Variants in CD4 observed in about 807,000 individuals in gnomAD.
The protein encoded by CD4 is CD4 molecule.
A neutral mutation model predicts 50.5 loss-of-function variants in CD4; 25 were observed. The ratio of observed to expected loss-of-function variants is 0.49; its 90% CI spans 0.36 to 0.69. The LOEUF (loss-of-function observed/expected upper bound fraction) is 0.69, where lower values mean the gene tolerates loss of function less well. CD4 is among the 30% of genes least tolerant of loss of function. The probability of loss-of-function intolerance (pLI) is 0.00; values close to 1 mark genes in which losing one functional copy is unlikely to be tolerated. For synonymous variants in CD4, 207 were observed against 221.9 expected, an observed-to-expected ratio of 0.93 and a Z score of 0.60; for missense variants, 456 against 548.5, an observed-to-expected ratio of 0.83 and a Z score of 1.68.
rs1165133953 is a variant in CD4, at chr12:6,792,532, A to G, written c.-68+2870A>G. On this transcript the variant is annotated intron_variant, in intron 1 of 9. Transcript: ENST00000011653. The surrounding 1 kb of genome is among the most constrained non-coding windows in gnomAD (Gnocchi z 4.1). The stretch of plus-strand genomic sequence containing the variant: ...AAGCTGCTCCAGGTCTCTCTCTCCC[A>G]CATCTTTCCCTCCCCTCCTCCCTTG... 2.0e-5 allele frequency among the ~76,000 whole-genome samples: 3 copies of G among 151,790 alleles called. No homozygotes were observed. The highest frequency in any genetic ancestry group is 7.3e-5 in the African/African-American group (3 of 41,290).
intron 5 of CD4, chr12:6,815,204 A>G: frequency 1.8e-6 from 1 of 542,502 alleles, no homozygotes; most frequent in Non-Finnish European, 3.3e-6. Context: ...TGTGGTGGAC[A>G]TGGAGAAAGG....
chr12:6,790,442 A>G (rs998234926), intron 1 of CD4, among the ~76,000 whole-genome samples: 15 of 152,266 alleles, frequency 9.9e-5, no homozygotes, highest in African/African-American at 3.6e-4. Flanking sequence ...AAATTCTCAG[A>G]AAGTGTTGAA....
At chr12:6,793,690 ATCT>A (rs1942252793) in intron 1 of CD4, among the ~76,000 whole-genome samples, 4 of 83,178 alleles carry the variant, frequency 4.8e-5, no homozygotes, top group Non-Finnish European at 6.9e-5. Flanking sequence ...CTATCTATCT[ATCT>A]ATCTATCTAT....
At chr12:6,800,016 C>A in intron 1 of CD4, 56 bp from the exon 2 acceptor site, 1 of 862,430 alleles carries the variant, frequency 1.2e-6, no homozygotes, top group South Asian at 1.4e-5. Flanking sequence ...TGTATCGCCC[C>A]TGTATACTCC....
In CD4 at chr12:6,802,421, A is replaced by G. The variant is rs1194474068; in HGVS notation, c.214+1950A>G. 3.4e-5 allele frequency among the ~76,000 whole-genome samples: 5 copies of G among 149,082 alleles called. No homozygotes were observed. In the Admixed American group the frequency reaches 3.4e-4, roughly 10 times the overall value. On this transcript the variant is annotated intron_variant, in intron 3 of 9. Transcript: ENST00000011653. ...CATCACAGCCTCAAGTGATCTTCCC[A>G]CTTCAGCCTTCCCAGTAGCTGGGAC... is the stretch of plus-strand genomic sequence containing the variant.
At chr12:6,800,250 T>C (rs782427182) in intron 2 of CD4, 57 bp from the exon 3 acceptor site, 124 of 1,611,558 alleles carry the variant, frequency 7.7e-5, no homozygotes, top group Admixed American at 1.3e-4. Context: ...AGGTGGAGGA[T>C]GGGGTAGAGG....
chr12:6,818,648 C>T lies in CD4; in HGVS notation c.1278+106C>T. On this transcript the variant is annotated intron_variant, in intron 8 of 9. Transcript: ENST00000011653. The surrounding 1 kb of genome is among the most constrained non-coding windows in gnomAD (Gnocchi z 5.0). ...ATTTTGGCCCAGCTCCCTCTGCCCACTCGTAAGTTCCCTTGCTGCCCTGTC... is the reference window on the plus strand; with the variant it reads ...ATTTTGGCCCAGCTCCCTCTGCCCATTCGTAAGTTCCCTTGCTGCCCTGTC... 3.5e-6 allele frequency: 5 copies of T among 1,412,194 alleles called. No homozygotes were observed. The highest frequency in any genetic ancestry group is 4.9e-6 in the Non-Finnish European group (5 of 1,012,786). The allele number at this position is 1,412,194 out of a possible 1,614,324, so 87.5% of individuals were successfully genotyped here.
intron 9 of CD4, 150 bp from the exon 10 acceptor site, chr12:6,819,149 G>A: frequency 3.6e-6 from 3 of 831,054 alleles, no homozygotes; most frequent in South Asian, 1.5e-5. Context: ...GCAGAAGTGG[G>A]AGGATGGAGC....
chr12:6,790,538 G>A (rs1942125317), intron 1 of CD4, among the ~76,000 whole-genome samples: 1 of 152,226 alleles, frequency 6.6e-6, no homozygotes, highest in South Asian at 2.1e-4. Flanking sequence ...GATTCGAAAA[G>A]AATTGGTGGT....
chr12:6,817,356 T>C (rs782391302), intron 7 of CD4, 26 bp downstream of exon 7: 17 of 1,543,814 alleles, frequency 1.1e-5, no homozygotes, highest in African/African-American at 1.4e-5. Flanking sequence ...CCAAGGCCTC[T>C]GCCTCCTGGG....
chr12:6,794,778 T>TTTTTTTTTTTC (rs1942315159), intron 1 of CD4, among the ~76,000 whole-genome samples: 1 of 132,472 alleles, frequency 7.5e-6, no homozygotes, highest in African/African-American at 2.9e-5. Flanking sequence ...TATGTCTGTT[T>TTTTTTTTTTTC]TTTTTTTGTT....
chr12:6,816,429 G>A lies in CD4; in HGVS notation c.955+26G>A. 4 of 1,567,014 alleles carry A rather than the reference G, an allele frequency of 2.6e-6. No individual in the cohort carries two copies. The highest frequency in any genetic ancestry group is 3.5e-6 in the Non-Finnish European group (4 of 1,148,912). On this transcript the variant is annotated intron_variant, in intron 6 of 9. Coordinates refer to ENST00000011653, the MANE Select transcript of CD4 (RefSeq NM_000616.5). The surrounding 1 kb of genome is among the most constrained non-coding windows in gnomAD (Gnocchi z 4.9). ...GTGAGGGGCCAGGCCAGGGAGGGGT[G>A]GGCAGGGGAAGGAGTTGGAGGGGCC... is the stretch of plus-strand genomic sequence containing the variant.
At chr12:6,811,895 G>T (rs928015243) in intron 3 of CD4, among the ~76,000 whole-genome samples, 2 of 151,710 alleles carry the variant, frequency 1.3e-5, no homozygotes, top group Non-Finnish European at 2.9e-5. Context: ...CTGTAACTTT[G>T]AACTCCTGGG....
Position 6,816,032 on chromosome 12 carries a change from G to C in CD4, c.608-24G>C, listed in dbSNP as rs1943074782. Reference sequence around the variant, plus strand: ...CCTCATCTTCCTATCTCCTCACCCAGGGTCTCTCCCTTCCCACCTCCAGCT... The same window carrying C: ...CCTCATCTTCCTATCTCCTCACCCACGGTCTCTCCCTTCCCACCTCCAGCT... On this transcript the variant is annotated intron_variant, in intron 5 of 9. Coordinates refer to ENST00000011653, the MANE Select transcript of CD4 (RefSeq NM_000616.5). The surrounding 1 kb of genome is among the most constrained non-coding windows in gnomAD (Gnocchi z 4.9). The C allele has an allele frequency of 6.2e-7, 1 of 1,613,664 alleles. No homozygotes were observed. The highest frequency in any genetic ancestry group is 8.5e-7 in the Non-Finnish European group (1 of 1,179,914).
Position 6,818,669 on chromosome 12 carries a change from C to T in CD4, c.1278+127C>T. ...CCCACTCGTAAGTTCCCTTGCTGCCCTGTCCCAGATCCCACTCAAGGGAGA... is the reference window on the plus strand; with the variant it reads ...CCCACTCGTAAGTTCCCTTGCTGCCTTGTCCCAGATCCCACTCAAGGGAGA... On this transcript the variant is annotated intron_variant, in intron 8 of 9. Transcript: ENST00000011653. The surrounding 1 kb of genome is among the most constrained non-coding windows in gnomAD (Gnocchi z 5.0). 1 of 1,291,398 alleles carries T rather than the reference C, an allele frequency of 7.7e-7. No individual in the cohort carries two copies. The allele number at this position is 1,291,398 out of a possible 1,614,324, so 80.0% of individuals were successfully genotyped here.
Position 6,792,626 on chromosome 12 carries a change from G to A in CD4, c.-68+2964G>A, listed in dbSNP as rs556029236. Among the ~76,000 whole-genome samples the A allele has an allele frequency of 3.3e-5, 5 of 152,202 alleles. No individual in the cohort carries two copies. Among genetic ancestry groups the A allele is most frequent in the South Asian group, 2.1e-4 (1 of 4,822 alleles). On this transcript the variant is annotated intron_variant, in intron 1 of 9. Coordinates refer to ENST00000011653, the MANE Select transcript of CD4 (RefSeq NM_000616.5). This position sits in a 1 kb window ranked among gnomAD's most constrained non-coding sequence, Gnocchi z 4.1. Reference sequence around the variant, plus strand: ...CATGTGTCCCTCCCACCCTGCAGCCGGCTCCCTCACATCCACCCTGGGCTG... The same window carrying A: ...CATGTGTCCCTCCCACCCTGCAGCCAGCTCCCTCACATCCACCCTGGGCTG...
rs200553568 is a variant in CD4 at position 6,814,305 on chromosome 12, G to A, written c.373+5G>A. On this transcript the variant is annotated splice_donor_5th_base_variant and intron_variant, in intron 4 of 9. Transcript: ENST00000011653. Reference sequence around the variant, plus strand: ...TGCAATTGCTAGTGTTCGGATGTGAGTGGGGCAGGTGGGGATGAGGATACC... The same window carrying A: ...TGCAATTGCTAGTGTTCGGATGTGAATGGGGCAGGTGGGGATGAGGATACC... 6.2e-7 allele frequency: 1 copy of A among 1,612,430 alleles called. No individual in the cohort carries two copies.
Position 6,817,292 on chromosome 12 carries a change from G to T in CD4, c.1118G>T (p.Ser373Ile), listed in dbSNP as rs782772676. 7.0e-6 allele frequency: 11 copies of T among 1,572,130 alleles called. No homozygotes were observed. The highest frequency in any genetic ancestry group is 9.5e-6 in the Non-Finnish European group (11 of 1,157,292). ...PEAGMWQCLL[S>I]DSGQVLLESN... ...GCGGGGATGTGGCAGTGTCTGCTGA[G>T]TGACTCGGGACAGGTCCTGCTGGAA... The change falls in exon 7 of 10, where the codon AGT (serine) becomes ATT (isoleucine). Residue 373 changes from serine (S) to isoleucine (I), a missense_variant. Ser to Ile is a moderately radical substitution (Grantham distance 142). Transcript: ENST00000011653.
intron 3 of CD4, among the ~76,000 whole-genome samples, chr12:6,801,377 T>TG (rs1565492246): frequency 2.7e-5 from 4 of 149,230 alleles, no homozygotes; most frequent in African/African-American, 9.8e-5. Context: ...ATTAGCCAGG[T>TG]GTGGGGGTGC....
Sources: allele counts gnomAD v4.1 joint callset (sites outside exome capture counted in the v4.1 genomes callset), GRCh38; gene constraint gnomAD v4.1.1; non-coding constraint Gnocchi (gnomAD v3.1); transcripts MANE v1.5; gene names NCBI Gene and HGNC (gene_info 2026-07-23, HGNC 2026-07-21).